HS1BP3: variants seen among roughly 807,000 people sequenced by gnomAD.
HS1BP3 encodes HCLS1-binding protein 3.
In HS1BP3, 32 loss-of-function variants were observed where a neutral mutation model predicts 33.5. The observed-to-expected ratio is 0.95, with a 90% CI of 0.72 to 1.28. HS1BP3 has a LOEUF of 1.28. HS1BP3 is among the 50% of genes most tolerant of loss of function. The pLI is 0.00. For missense variants in HS1BP3, 486 were observed against 502.3 expected (o/e 0.97, Z 0.31); for synonymous variants, 187 against 209.2 (o/e 0.89, Z 0.92).
intron 5 of HS1BP3, among the ~76,000 whole-genome samples, chr2:20,561,470 A>G (rs113247035): frequency 0.026 from 3,955 of 152,278 alleles, 185 homozygotes; most frequent in African/African-American, 0.09. Flanking sequence ...CTAGAGCACA[A>G]GAGTCCCAGA....
intron 2 of HS1BP3, among the ~76,000 whole-genome samples, chr2:20,610,324 T>C (rs1472100712): frequency 3.3e-5 from 5 of 152,176 alleles, no homozygotes; most frequent in Non-Finnish European, 7.3e-5. Flanking sequence ...GAGAGTATCA[T>C]ACAGATAAGT....
chr2:20,625,004 G>T, intron 4 of HS1BP3, 112 bp from the exon 5 acceptor site: 1 of 1,306,994 alleles, frequency 7.7e-7, no homozygotes. Flanking sequence ...GATGCCATGG[G>T]CCAGAAAAGA....
intron 5 of HS1BP3, among the ~76,000 whole-genome samples, chr2:20,575,458 C>T (rs906628658): frequency 1.9e-4 from 29 of 152,280 alleles, no homozygotes; most frequent in African/African-American, 6.3e-4. Flanking sequence ...CTAGCTCTGA[C>T]ACTCCAAGAC....
chr2:20,627,007 G>A (rs754674799), intron 4 of HS1BP3, among the ~76,000 whole-genome samples: 27 of 152,226 alleles, frequency 1.8e-4, no homozygotes, highest in Non-Finnish European at 2.8e-4. Context: ...CCACTGAGTC[G>A]GAAACCCCAA....
chr2:20,571,039 G>A (rs1325979790), intron 5 of HS1BP3, among the ~76,000 whole-genome samples: 1 of 152,186 alleles, frequency 6.6e-6, no homozygotes, highest in Non-Finnish European at 1.5e-5. Flanking sequence ...AGGGCAGTGA[G>A]GACACTGGGG....
intron 2 of HS1BP3, chr2:20,598,297 C>T: frequency 2.6e-6 from 1 of 388,450 alleles, no homozygotes; most frequent in Non-Finnish European, 5.3e-6. Context: ...GATAGATCGT[C>T]AGGCATTAGA....
At chr2:20,622,062 GCTGCA>G in intron 6 of HS1BP3, 1 of 600,056 alleles carries the variant, frequency 1.7e-6, no homozygotes, top group Non-Finnish European at 2.4e-6. Flanking sequence ...CCCTGGTGTG[GCTGCA>G]CAGCCAGAAG....
intron 3 of HS1BP3, 129 bp downstream of exon 3, chr2:20,640,844 G>A (rs1012651081): frequency 1.1e-6 from 1 of 884,496 alleles, no homozygotes; most frequent in Admixed American, 2.1e-5. Context: ...GAGGCCACCT[G>A]CCTCACCAGC....
intron 2 of HS1BP3, among the ~76,000 whole-genome samples, chr2:20,642,567 G>A (rs13012178): frequency 0.26 from 39,953 of 152,238 alleles, 6,091 homozygotes; most frequent in Non-Finnish European, 0.35. Flanking sequence ...GGTGGGGGCC[G>A]GGCGCCCCCT....
At chr2:20,640,838 C>T (rs767170287) in intron 3 of HS1BP3, 135 bp downstream of exon 3, 2 of 831,266 alleles carry the variant, frequency 2.4e-6, no homozygotes, top group Non-Finnish European at 2.0e-6. Context: ...GTCAGCGAGG[C>T]CACCTGCCTC....
downstream of HS1BP3, among the ~76,000 whole-genome samples, chr2:20,555,696 C>T (rs957597512): frequency 6.6e-6 from 1 of 151,934 alleles, no homozygotes; most frequent in Non-Finnish European, 1.5e-5. Context: ...TTCTTTCCTC[C>T]TTCCCTCTTC....
intron 5 of HS1BP3, among the ~76,000 whole-genome samples, chr2:20,573,102 C>T (rs1693314376): frequency 2.0e-5 from 3 of 152,138 alleles, no homozygotes; most frequent in Admixed American, 2.0e-4. Flanking sequence ...AAGATATGTC[C>T]AAGTTCTAAC....
intron 4 of HS1BP3, among the ~76,000 whole-genome samples, chr2:20,627,060 G>A (rs760809937): frequency 3.3e-5 from 5 of 152,168 alleles, no homozygotes; most frequent in Non-Finnish European, 7.4e-5. Flanking sequence ...GGAATTCCAC[G>A]GTCAGCCAGG....
At chr2:20,625,389 A>G (rs1418364855) in intron 4 of HS1BP3, among the ~76,000 whole-genome samples, 1 of 152,160 alleles carries the variant, frequency 6.6e-6, no homozygotes, top group African/African-American at 2.4e-5. Flanking sequence ...GAAGGTAGAG[A>G]CAGCTGCCTG....
chr2:20,582,863 C>T (rs1693567343), intron 5 of HS1BP3, among the ~76,000 whole-genome samples: 1 of 152,190 alleles, frequency 6.6e-6, no homozygotes, highest in South Asian at 2.1e-4. Context: ...GGTTCAGACA[C>T]AGGCAGGGAC....
At chr2:20,622,140 AGGC>A (rs1694620637) in intron 6 of HS1BP3, 1 of 1,249,790 alleles carries the variant, frequency 8.0e-7, no homozygotes. Flanking sequence ...AGGGTGGCTG[AGGC>A]TAGTGACAGA....
rs577517670 is a variant in HS1BP3, at chr2:20,640,849, A to G, written c.406+124T>C. ...GGATGTCAGCGAGGCCACCTGCCTC[A>G]CCAGCCTGGCTGAAGCCTCCAGGCT... On this transcript the variant is annotated intron_variant, in intron 3 of 6. Transcript: ENST00000304031. 3 of 940,776 alleles carry G rather than the reference A, an allele frequency of 3.2e-6. No individual in the cohort carries two copies. The Admixed American group carries it at 6.1e-5, about 19-fold the overall frequency. The allele number at this position is 940,776 out of a possible 1,614,324, so 58.3% of individuals were successfully genotyped here.
chr2:20,581,495 G>A (rs1369700532), intron 5 of HS1BP3, among the ~76,000 whole-genome samples: 6 of 151,960 alleles, frequency 3.9e-5, no homozygotes, highest in East Asian at 1.9e-4. Context: ...GATTACAGGC[G>A]TGCACCACCA....
chr2:20,573,258 C>G (rs1214472114), intron 5 of HS1BP3, among the ~76,000 whole-genome samples: 1 of 152,140 alleles, frequency 6.6e-6, no homozygotes, highest in Non-Finnish European at 1.5e-5. Flanking sequence ...AAAGCATTCT[C>G]CCCGAGAGCC....
Sources: allele counts gnomAD v4.1 joint callset (sites outside exome capture counted in the v4.1 genomes callset), GRCh38; gene constraint gnomAD v4.1.1; transcripts MANE v1.5; gene names NCBI Gene and HGNC (gene_info 2026-07-23, HGNC 2026-07-21).